Variants in FER1L6 observed in about 807,000 individuals in gnomAD.
FER1L6 encodes fer-1-like protein 6.
A neutral mutation model predicts 219.2 loss-of-function variants in FER1L6; 177 were observed. The ratio of observed to expected loss-of-function variants is 0.81; its 90% confidence interval spans 0.71 to 0.91. FER1L6 has a LOEUF of 0.91. FER1L6 is among the 40% of genes least tolerant of loss of function. FER1L6 has a pLI of 0.00. For synonymous variants in FER1L6, 768 were observed against 824.3 expected (o/e 0.93, Z 1.17); for missense variants, 2,153 against 2,259.9 (o/e 0.95, Z 0.96).
intron 13 of FER1L6, among the ~76,000 whole-genome samples, chr8:124,003,579 C>T (rs577819117): frequency 7.3e-6 from 1 of 137,458 alleles, no homozygotes; most frequent in South Asian, 2.4e-4. Flanking sequence ...AATGATTCTT[C>T]TGCCTCAGCC....
At position 124,075,150 on chromosome 8, in the gene FER1L6, A is replaced by C. The variant is rs148174670; in HGVS notation, c.4093-1048A>C. Among the ~76,000 whole-genome samples the C allele has an allele frequency of 1.5e-3, 224 of 152,362 alleles. 1 individual carries two copies. The highest frequency in any genetic ancestry group is 5.1e-3 in the African/African-American group (211 of 41,578). ...TTATTCAATAATAAATTAGCTTACT[A>C]TAACTTTTTTACTTTATAAACTTTT... On this transcript the variant is annotated intron_variant, in intron 31 of 40. Coordinates refer to ENST00000522917, the MANE Select transcript of FER1L6 (RefSeq NM_001039112.2).
intron 20 of FER1L6, among the ~76,000 whole-genome samples, chr8:124,041,726 T>G (rs1819509524): frequency 6.6e-6 from 1 of 152,200 alleles, no homozygotes; most frequent in Admixed American, 6.5e-5. Context: ...TTCATCCTCA[T>G]TCAGTGACTG....
At chr8:123,882,630 A>G (rs563012191) in intron 1 of FER1L6, among the ~76,000 whole-genome samples, 1 of 152,296 alleles carries the variant, frequency 6.6e-6, no homozygotes, top group South Asian at 2.1e-4. Context: ...AAACACTGAG[A>G]TAGTGCCAAG....
intron 1 of FER1L6, among the ~76,000 whole-genome samples, chr8:123,883,320 A>C (rs543255746): frequency 6.6e-6 from 1 of 152,182 alleles, no homozygotes; most frequent in Non-Finnish European, 1.5e-5. Context: ...GGCTGCCTCA[A>C]GAGAAGGAAG....
At chr8:124,044,178 A>G (rs912412606) in intron 20 of FER1L6, among the ~76,000 whole-genome samples, 16 of 152,360 alleles carry the variant, frequency 1.1e-4, no homozygotes, top group African/African-American at 3.6e-4. Context: ...GACACATCAC[A>G]TTTCTATTTT....
At chr8:123,939,441 A>G (rs1814140463) in intron 1 of FER1L6, among the ~76,000 whole-genome samples, 1 of 152,200 alleles carries the variant, frequency 6.6e-6, no homozygotes. Context: ...CCAAGATGAC[A>G]TTACTGAAGT....
At chr8:123,894,863 T>C (rs938078070) in intron 1 of FER1L6, among the ~76,000 whole-genome samples, 1 of 152,170 alleles carries the variant, frequency 6.6e-6, no homozygotes, top group African/African-American at 2.4e-5. Flanking sequence ...ATGGTAATGA[T>C]AGTAATGGAG....
chr8:123,963,331 C>A lies in FER1L6; in HGVS notation c.130C>A (p.Pro44Thr), dbSNP rs1197367473. The A allele has an allele frequency of 6.2e-7, 1 of 1,614,130 alleles. No individual in the cohort carries two copies. Among genetic ancestry groups the A allele is most frequent in the East Asian group, 2.2e-5 (1 of 44,886 alleles). ...LQEEPSHQEG[P>T]RGDLVHDDAS... ...GGAGGAGCCTTCTCACCAGGAAGGA[C>A]CGAGAGGAGATTTGGTCCATGATGA... The change falls in exon 3 of 41, where the codon CCG becomes ACG. Residue 44 changes from proline (P) to threonine (T), a missense_variant. Physicochemically the swap from Pro to Thr is conservative, Grantham distance 38. Transcript: ENST00000522917.
intron 16 of FER1L6, among the ~76,000 whole-genome samples, chr8:124,021,300 T>C (rs186782563): frequency 1.3e-5 from 2 of 152,310 alleles, no homozygotes; most frequent in East Asian, 3.9e-4. Flanking sequence ...CCATGTGACC[T>C]TGATAAACCT....
Position 123,975,243 on chromosome 8 carries a change from T to C in FER1L6, c.620T>C (p.Met207Thr). 1 of 1,613,344 alleles carries C rather than the reference T, an allele frequency of 6.2e-7. No homozygotes were observed. Among genetic ancestry groups the C allele is most frequent in the South Asian group, 1.1e-5 (1 of 90,950 alleles). ...KGYLKCDISV[M>T]GKGDVLKTSP... ...TACCTGAAATGTGACATCAGTGTCA[T>C]GGGAAAAGGTGATGTCTTGAAGACC... Residue 207 changes from methionine (M) to threonine (T), a missense_variant, in exon 8 of 41, where the codon ATG becomes ACG. Physicochemically the swap from Met to Thr is moderately conservative, Grantham distance 81 (BLOSUM62 -1). Coordinates refer to ENST00000522917, the MANE Select transcript of FER1L6 (RefSeq NM_001039112.2).
intron 34 of FER1L6, among the ~76,000 whole-genome samples, chr8:124,092,297 ATGAACTTCCT>A (rs1822069915): frequency 6.6e-6 from 1 of 152,172 alleles, no homozygotes; most frequent in African/African-American, 2.4e-5. Flanking sequence ...CAATGCTATA[ATGAACTTCCT>A]TATACATATT....
intron 39 of FER1L6, among the ~76,000 whole-genome samples, chr8:124,105,536 A>G (rs1360281668): frequency 6.6e-6 from 1 of 152,216 alleles, no homozygotes; most frequent in Non-Finnish European, 1.5e-5. Flanking sequence ...AAGAAAAAAG[A>G]GTAAAAATGT....
chr8:123,975,820 C>A, intron 8 of FER1L6, 78 bp from the exon 9 acceptor site: 2 of 1,165,574 alleles, frequency 1.7e-6, no homozygotes, highest in Non-Finnish European at 2.4e-6. Context: ...TTTCTTTCTG[C>A]CTCCAAATTG....
chr8:124,063,902 T>C (rs1219860051), intron 25 of FER1L6, among the ~76,000 whole-genome samples: 1 of 152,180 alleles, frequency 6.6e-6, no homozygotes, highest in Non-Finnish European at 1.5e-5. Context: ...GACATACCCC[T>C]GCTCCCTGCC....
At chr8:124,069,328 T>A in intron 28 of FER1L6, 32 bp from the exon 29 acceptor site, 1 of 1,524,346 alleles carries the variant, frequency 6.6e-7, no homozygotes, top group South Asian at 1.1e-5. Flanking sequence ...TCAACCGCCA[T>A]GAGAAACCTA....
At chr8:123,907,186 C>T (rs1344502626) in intron 1 of FER1L6, among the ~76,000 whole-genome samples, 1 of 152,184 alleles carries the variant, frequency 6.6e-6, no homozygotes, top group Non-Finnish European at 1.5e-5. Flanking sequence ...CAAGATTATA[C>T]ACTTTGCTAC....
chr8:124,030,926 G>T (rs1818936421), intron 18 of FER1L6, among the ~76,000 whole-genome samples: 1 of 152,158 alleles, frequency 6.6e-6, no homozygotes, highest in Admixed American at 6.5e-5. Flanking sequence ...CGTGGGAGGT[G>T]GGGAAGGCAC....
At chr8:123,856,777 A>G (rs547075342) in intron 1 of FER1L6, among the ~76,000 whole-genome samples, 11 of 152,054 alleles carry the variant, frequency 7.2e-5, no homozygotes, top group Admixed American at 2.0e-4. Flanking sequence ...ATTTAGTATC[A>G]AGTTATACCC....
chr8:123,922,549 T>C (rs1202754483), intron 1 of FER1L6, among the ~76,000 whole-genome samples: 3 of 152,110 alleles, frequency 2.0e-5, no homozygotes, highest in Admixed American at 2.0e-4. Flanking sequence ...AAGATGTGTG[T>C]GCCAGGGACT....
Sources: gnomAD v4.1 joint callset for allele counts (sites outside exome capture counted in the v4.1 genomes callset) on GRCh38, gnomAD v4.1.1 for gene constraint, MANE v1.5 for transcripts, NCBI Gene and HGNC (gene_info 2026-07-23, HGNC 2026-07-21) for gene names.